The following NELL1 variants were observed in gnomAD, a reference collection of about 807,000 sequenced individuals.
NELL1 encodes the protein neural EGFL like 1, also known as protein kinase C-binding protein NELL1.
Under a neutral mutation model 107.4 loss-of-function variants are expected in NELL1, and 76 were observed. The ratio of observed to expected loss-of-function variants is 0.71; its 90% CI spans 0.59 to 0.86. The LOEUF (loss-of-function observed/expected upper bound fraction) is 0.86, where lower values mean the gene tolerates loss of function less well. Ranked by LOEUF, NELL1 falls within the 40% of genes least tolerant of loss-of-function variation. The pLI is 0.00. For missense variants in NELL1, 1,024 were observed against 1,005.5 expected (o/e 1.02, Z -0.25); for synonymous variants, 353 against 341.2 (o/e 1.03, Z -0.38).
At chr11:21,394,246 TG>T (rs1394269948) in intron 15 of NELL1, among the ~76,000 whole-genome samples, 1 of 151,546 alleles carries the variant, frequency 6.6e-6, no homozygotes, top group Non-Finnish European at 1.5e-5. Context: ...TAACTTTAAG[TG>T]CTAATAAGCA....
intron 2 of NELL1, among the ~76,000 whole-genome samples, chr11:20,752,945 T>C (rs1242017402): frequency 6.6e-6 from 1 of 152,176 alleles, no homozygotes; most frequent in East Asian, 1.9e-4. Flanking sequence ...GTGCTTGAAA[T>C]AGAAGCTATA....
intron 14 of NELL1, among the ~76,000 whole-genome samples, chr11:21,252,053 A>G (rs1445846177): frequency 6.6e-6 from 1 of 152,192 alleles, no homozygotes; most frequent in Non-Finnish European, 1.5e-5. Context: ...TCACATGTTT[A>G]CACACACTGC....
At chr11:21,431,445 C>T (rs758519991) in intron 15 of NELL1, among the ~76,000 whole-genome samples, 15 of 152,080 alleles carry the variant, frequency 9.9e-5, no homozygotes, top group Non-Finnish European at 1.9e-4. Flanking sequence ...TTCCCAAGTA[C>T]CTTGAATAAT....
chr11:20,887,589 A>G (rs1329183934), intron 5 of NELL1, among the ~76,000 whole-genome samples: 1 of 152,176 alleles, frequency 6.6e-6, no homozygotes, highest in Non-Finnish European at 1.5e-5. Context: ...CCAGTCCACT[A>G]TCTAGCAGAA....
At chr11:21,199,319 A>G (rs1418246397) in intron 13 of NELL1, among the ~76,000 whole-genome samples, 4 of 152,192 alleles carry the variant, frequency 2.6e-5, no homozygotes, top group Non-Finnish European at 5.9e-5. Context: ...ACTTTTGGGT[A>G]GTCAACCAAG....
intron 15 of NELL1, among the ~76,000 whole-genome samples, chr11:21,517,622 G>A (rs780912047): frequency 2.0e-5 from 3 of 152,158 alleles, no homozygotes; most frequent in African/African-American, 7.2e-5. Flanking sequence ...TTCTAAGCAT[G>A]TGGGATTTAG....
intron 11 of NELL1, among the ~76,000 whole-genome samples, chr11:20,954,097 G>C (rs574387953): frequency 9.9e-5 from 15 of 152,268 alleles, no homozygotes; most frequent in Non-Finnish European, 1.8e-4. Context: ...TCTAACTTCA[G>C]TTGCCACATC....
At chr11:21,422,303 G>A (rs1852699083) in intron 15 of NELL1, among the ~76,000 whole-genome samples, 1 of 151,994 alleles carries the variant, frequency 6.6e-6, no homozygotes, top group African/African-American at 2.4e-5. Flanking sequence ...CTCAATAAAG[G>A]TAAATATATG....
At chr11:21,304,382 G>A (rs1401759791) in intron 14 of NELL1, among the ~76,000 whole-genome samples, 1 of 151,994 alleles carries the variant, frequency 6.6e-6, no homozygotes, top group African/African-American at 2.4e-5. Context: ...CAGAGACAGG[G>A]CTTGAACCCT....
chr11:21,422,092 C>CGTGTGT (rs1564886248), intron 15 of NELL1, among the ~76,000 whole-genome samples: 175 of 50,080 alleles, frequency 3.5e-3, no homozygotes, highest in Middle Eastern at 0.015. Flanking sequence ...GACATTTACA[C>CGTGTGT]ATATGTGTGT....
intron 12 of NELL1, among the ~76,000 whole-genome samples, chr11:20,975,962 A>ATATGTACATATATGTG (rs1851618139): frequency 2.1e-5 from 2 of 95,566 alleles, no homozygotes; most frequent in South Asian, 3.1e-4. Flanking sequence ...TACATTATAT[A>ATATGTACATATATGTG]TACATTATAT....
At chr11:20,706,687 G>A (rs775639650) in intron 2 of NELL1, among the ~76,000 whole-genome samples, 4 of 151,706 alleles carry the variant, frequency 2.6e-5, no homozygotes, top group Non-Finnish European at 5.9e-5. Context: ...AAAAAAAAAA[G>A]GAATGTTGAA....
At chr11:20,818,086 A>G (rs558561471) in intron 3 of NELL1, among the ~76,000 whole-genome samples, 3 of 152,296 alleles carry the variant, frequency 2.0e-5, no homozygotes, top group East Asian at 3.9e-4. Flanking sequence ...GGAGTATTCT[A>G]TAGATGTCTA....
intron 16 of NELL1, among the ~76,000 whole-genome samples, chr11:21,555,946 C>T (rs11026132): frequency 0.069 from 10,527 of 151,922 alleles, 492 homozygotes; most frequent in South Asian, 0.19. Flanking sequence ...TGGCTGCCAC[C>T]GCTTAGCCTG....
Position 21,560,487 on chromosome 11 carries a change from G to C in NELL1, c.1980+105G>C, listed in dbSNP as rs983204065. ...CCTCTTGCTGTTGACTGTAGTTCCT[G>C]AACAGGCTTCTCCTGTTCTTATCTA... On this transcript the variant is annotated intron_variant, in intron 17 of 19. Transcript: ENST00000357134. 9 of 1,021,250 alleles carry C rather than the reference G, an allele frequency of 8.8e-6. No individual in the cohort carries two copies. The African/African-American group carries it at 1.5e-4, about 17-fold the overall frequency. 63.3% of individuals were successfully genotyped at this position (1,021,250 alleles called of 1,614,324 possible).
intron 12 of NELL1, among the ~76,000 whole-genome samples, chr11:21,100,446 G>A (rs182283847): frequency 2.6e-5 from 4 of 152,120 alleles, no homozygotes; most frequent in South Asian, 2.1e-4. Flanking sequence ...ATTAAGCATC[G>A]ACTGTCCAAT....
At chr11:20,976,572 A>G (rs1437794978) in intron 12 of NELL1, among the ~76,000 whole-genome samples, 1 of 152,194 alleles carries the variant, frequency 6.6e-6, no homozygotes, top group Non-Finnish European at 1.5e-5. Flanking sequence ...TGTTTAGAAC[A>G]TTTTACATAC....
Position 21,547,250 on chromosome 11 carries a change from A to G in NELL1, c.1786+12736A>G, listed in dbSNP as rs111646221. On this transcript the variant is annotated intron_variant, in intron 16 of 19. Coordinates refer to ENST00000357134, the MANE Select transcript of NELL1 (RefSeq NM_006157.5). ...GAGAAGGATTTTTTCCAGGCGAACT[A>G]CTCATTAAAGGATCTGTTCCAGGAC... is the stretch of plus-strand genomic sequence containing the variant. Among the ~76,000 whole-genome samples, 439 of 151,978 alleles carry G rather than the reference A, an allele frequency of 2.9e-3. 3 individuals are homozygous for G. The highest frequency in any genetic ancestry group is 0.01 in the African/African-American group (423 of 41,492).
intron 15 of NELL1, among the ~76,000 whole-genome samples, chr11:21,423,377 T>C (rs375107170): frequency 7.9e-5 from 12 of 151,760 alleles, no homozygotes; most frequent in Admixed American, 5.3e-4. Flanking sequence ...AAAAAAATTA[T>C]AAAAGGTAAA....
Sources: allele counts gnomAD v4.1 joint callset (sites outside exome capture counted in the v4.1 genomes callset), GRCh38; gene constraint gnomAD v4.1.1; transcripts MANE v1.5; gene names NCBI Gene and HGNC (gene_info 2026-07-23, HGNC 2026-07-21).